The following ETNPPL variants were observed in gnomAD, a reference collection of about 807,000 sequenced individuals.
The protein encoded by ETNPPL is alanine--glyoxylate aminotransferase 2-like 1.
Under a neutral mutation model 55.5 loss-of-function variants are expected in ETNPPL, and 30 were observed. The observed-to-expected ratio is 0.54, with a 90% confidence interval of 0.40 to 0.73. ETNPPL has a LOEUF of 0.73. Ranked by LOEUF, ETNPPL falls within the 30% of genes least tolerant of loss-of-function variation. The pLI, the probability that ETNPPL is intolerant of heterozygous loss-of-function variation, is 0.00. For missense variants in ETNPPL, 528 were observed against 607.9 expected (o/e 0.87, Z 1.38); for synonymous variants, 202 against 207.2 (o/e 0.98, Z 0.21).
At chr4:108,751,111 G>A (rs1728893699) in intron 6 of ETNPPL, 93 bp from the exon 7 acceptor site, 2 of 851,462 alleles carry the variant, frequency 2.3e-6, no homozygotes, top group South Asian at 1.5e-5. Context: ...TTTTAAAAAT[G>A]GCTAGGAATA....
chr4:108,759,580 G>C (rs1221391765), intron 3 of ETNPPL, among the ~76,000 whole-genome samples, 169 bp downstream of exon 3: 1 of 152,098 alleles, frequency 6.6e-6, no homozygotes, highest in Non-Finnish European at 1.5e-5. Flanking sequence ...AGAATAAAGT[G>C]GGAGAACCAG....
Position 108,756,453 on chromosome 4 carries a change from C to G in ETNPPL, c.375G>C (p.Gln125His), listed in dbSNP as rs1729200271. 6.2e-7 allele frequency: 1 copy of G among 1,614,022 alleles called. No individual in the cohort carries two copies. The highest frequency in any genetic ancestry group is 1.3e-5 in the African/African-American group (1 of 74,942). Residue 125 changes from glutamine (Q) to histidine (H), a missense_variant, in exon 4 of 13, where the codon CAG becomes CAC. Coordinates refer to ENST00000296486, the MANE Select transcript of ETNPPL (RefSeq NM_031279.4). ...ANDLALRLARQFRGHQDVITL... is the reference protein window; with the variant it reads ...ANDLALRLARHFRGHQDVITL... Reference sequence around the variant, plus strand: ...TGATCACATCCTGGTGGCCTCTGAACTGCCGAGCCAGGCGTAAGGCTAAGT... The same window carrying G: ...TGATCACATCCTGGTGGCCTCTGAAGTGCCGAGCCAGGCGTAAGGCTAAGT...
intron 4 of ETNPPL, among the ~76,000 whole-genome samples, chr4:108,755,678 G>A (rs963833681): frequency 6.6e-6 from 1 of 152,110 alleles, no homozygotes; most frequent in African/African-American, 2.4e-5. Context: ...AAGTTAGTTG[G>A]GCATGGCAGC....
chr4:108,742,235 A>G lies in ETNPPL; in HGVS notation c.*249T>C, dbSNP rs554574296. ...TTTATTTTGAGTTTGCAAGCTTACA[A>G]TTTAATAGAATAAATCAGGTAGCTT... On this transcript the variant is annotated 3_prime_UTR_variant, in exon 13 of 13. Transcript: ENST00000296486. The G allele has an allele frequency of 9.6e-5, 30 of 314,024 alleles. 2 individuals are homozygous for G. In the South Asian group the frequency reaches 1.7e-3, roughly 18 times the overall value. 19.5% of individuals were successfully genotyped at this position (314,024 alleles called of 1,614,324 possible).
At chr4:108,762,182 T>C in intron 1 of ETNPPL, 1 of 335,264 alleles carries the variant, frequency 3.0e-6, no homozygotes, top group Non-Finnish European at 6.0e-6. Flanking sequence ...CTGTCGGTCT[T>C]ATATACTCAC....
At chr4:108,756,575 G>A (rs990054104) in intron 3 of ETNPPL, 83 bp from the exon 4 acceptor site, 7 of 1,043,500 alleles carry the variant, frequency 6.7e-6, no homozygotes, top group South Asian at 6.5e-5. Context: ...GGTAGCTCAC[G>A]CCTGTAATCC....
Position 108,763,004 on chromosome 4 carries a change from A to G in ETNPPL, c.-106T>C. The G allele has an allele frequency of 1.9e-6, 2 of 1,061,522 alleles. No homozygotes were observed. Among genetic ancestry groups the G allele is most frequent in the Admixed American group, 1.9e-5 (1 of 53,904 alleles). The allele number at this position is 1,061,522 out of a possible 1,614,324, so 65.8% of individuals were successfully genotyped here. A position where few individuals can be genotyped will look rare whatever the true frequency, so the allele number is the denominator to read the frequency against. ...GGCCCCGGCCGGCCTTCCTCCCGTTATCCCTCCTGGCGTTCTCTTGCCCGG... is the reference window on the plus strand; with the variant it reads ...GGCCCCGGCCGGCCTTCCTCCCGTTGTCCCTCCTGGCGTTCTCTTGCCCGG... On this transcript the variant is annotated 5_prime_UTR_variant, in exon 1 of 13. Coordinates refer to ENST00000296486, the MANE Select transcript of ETNPPL (RefSeq NM_031279.4).
At chr4:108,753,123 T>C (rs1297058705) in intron 5 of ETNPPL, 112 bp from the exon 6 acceptor site, 15 of 638,874 alleles carry the variant, frequency 2.3e-5, no homozygotes, top group Non-Finnish European at 3.9e-5. Context: ...GAACTTAAGA[T>C]ACTTTAGGTT....
chr4:108,754,720 CAAAG>C lies in ETNPPL; in HGVS notation c.411-14_411-11del, dbSNP rs759505908. ...GTGACCATGGTAAGCACTGAAGAGA[CAAAG>C]AAAAAAAAGCAGTAATCAAAATAAT... is the stretch of plus-strand genomic sequence containing the variant. On this transcript the variant is annotated splice_polypyrimidine_tract_variant and intron_variant, in intron 4 of 12. Transcript: ENST00000296486. The C allele has an allele frequency of 3.5e-6, 5 of 1,444,472 alleles. No homozygotes were observed. The allele number at this position is 1,444,472 out of a possible 1,614,324, so 89.5% of individuals were successfully genotyped here.
intron 6 of ETNPPL, among the ~76,000 whole-genome samples, chr4:108,752,185 A>T (rs1454663072): frequency 3.3e-5 from 5 of 151,856 alleles, no homozygotes; most frequent in Admixed American, 3.3e-4. Flanking sequence ...TGAGTTAATT[A>T]TAAAAAGAAA....
At chr4:108,742,710 A>C in intron 12 of ETNPPL, 98 bp from the exon 13 acceptor site, 1 of 1,416,260 alleles carries the variant, frequency 7.1e-7, no homozygotes, top group Non-Finnish European at 9.8e-7. Flanking sequence ...AAGGACACAG[A>C]AAAACCAAAC....
In ETNPPL at chr4:108,752,950, G is replaced by T. The variant is rs1411833594; in HGVS notation, c.563C>A (p.Ala188Asp). The T allele has an allele frequency of 6.2e-7, 1 of 1,612,706 alleles. No individual in the cohort carries two copies. Among genetic ancestry groups the T allele is most frequent in the Admixed American group, 1.7e-5 (1 of 59,958 alleles). ...GATTTTCTTCACTTCATCTGCATAA[G>T]CACTGGCTGAGTCTGCATGGTCTTC... ...YREDHADSAS[A>D]YADEVKKIIE... Residue 188 changes from alanine to aspartate, a missense_variant, in exon 6 of 13, where the codon GCT becomes GAT. By Grantham distance (126) the Ala-to-Asp change is moderately radical. Transcript: ENST00000296486.
At position 108,754,684 on chromosome 4, in the gene ETNPPL, A is replaced by C; in HGVS notation, c.437T>G (p.Leu146Ter). The C allele has an allele frequency of 6.3e-7, 1 of 1,598,334 alleles. No individual in the cohort carries two copies. The highest frequency in any genetic ancestry group is 2.2e-5 in the East Asian group (1 of 44,676). ...DHAYHGHLSS[L>*]IEISPYKFQK... ...AAACTTATATGGGCTAATCTCAATTAAGGATGATAGGTGACCATGGTAAGC... is the reference window on the plus strand; with the variant it reads ...AAACTTATATGGGCTAATCTCAATTCAGGATGATAGGTGACCATGGTAAGC... Residue 146 changes from leucine to a stop codon, truncating the protein, a stop_gained, in exon 5 of 13, where the codon TTA (leucine) becomes TGA (stop). Coordinates refer to ENST00000296486, the MANE Select transcript of ETNPPL (RefSeq NM_031279.4). LOFTEE classifies it high-confidence loss of function.
Position 108,747,240 on chromosome 4 carries a change from A to T in ETNPPL, c.1083-389T>A, listed in dbSNP as rs1483796069. Reference sequence around the variant, plus strand: ...ATATATATATTATATATATATATATAATATATATATATATTATATATATAT... The same window carrying T: ...ATATATATATTATATATATATATATTATATATATATATATTATATATATAT... On this transcript the variant is annotated intron_variant, in intron 9 of 12. Transcript: ENST00000296486. Among the ~76,000 whole-genome samples the T allele has an allele frequency of 1.0e-3, 40 of 39,666 alleles. 1 individual carries two copies. The highest frequency in any genetic ancestry group is 1.7e-3 in the East Asian group (1 of 572). The allele number at this position is 39,666 out of a possible 152,430, so 26.0% of individuals were successfully genotyped here.
rs1229248378 is a variant in ETNPPL at position 108,746,756 on chromosome 4, A to G, written c.1172+6T>C. The G allele has an allele frequency of 6.2e-7, 1 of 1,612,914 alleles. No individual in the cohort carries two copies. Among genetic ancestry groups the G allele is most frequent in the Non-Finnish European group, 8.5e-7 (1 of 1,178,954 alleles). On this transcript the variant is annotated splice_donor_region_variant and intron_variant, in intron 10 of 12. Transcript: ENST00000296486. ...TACCAAACAGGTGGGTGTGGGGGTG[A>G]ATTACTTGTAGATGATGTGCTGAGC...
Position 108,756,558 on chromosome 4 carries a change from C to G in ETNPPL, c.336-66G>C, listed in dbSNP as rs573639843. ...TCTTTTTAAAACATTTAGGATGTGC[C>G]AGGCACGGTAGCTCACGCCTGTAAT... On this transcript the variant is annotated intron_variant, in intron 3 of 12. Transcript: ENST00000296486. The G allele has an allele frequency of 5.7e-6, 7 of 1,229,324 alleles. No individual in the cohort carries two copies. The African/African-American group carries it at 8.9e-5, about 16-fold the overall frequency. 76.2% of individuals were successfully genotyped at this position (1,229,324 alleles called of 1,614,324 possible).
rs371523822 is a variant in ETNPPL at position 108,756,900 on chromosome 4, T to C, written c.336-408A>G. Among the ~76,000 whole-genome samples the C allele has an allele frequency of 2.1e-4, 32 of 152,278 alleles. 1 individual carries two copies. The highest frequency in any genetic ancestry group is 7.7e-4 in the African/African-American group (32 of 41,556). On this transcript the variant is annotated intron_variant, in intron 3 of 12. Transcript: ENST00000296486. ...AAGATTACATTTATTCAGAAACTTA[T>C]AAAATAATAAGTTGAAATCCTCTCC... is the stretch of plus-strand genomic sequence containing the variant.
At chr4:108,745,164 A>C (rs1237452192) in intron 11 of ETNPPL, among the ~76,000 whole-genome samples, 1 of 152,276 alleles carries the variant, frequency 6.6e-6, no homozygotes, top group Non-Finnish European at 1.5e-5. Flanking sequence ...AAAATAAATT[A>C]ACCTAGTTGC....
At chr4:108,753,745 T>C (rs1578388036) in intron 5 of ETNPPL, among the ~76,000 whole-genome samples, 1 of 25,342 alleles carries the variant, frequency 3.9e-5, no homozygotes, top group African/African-American at 1.1e-4. Context: ...CCGTCTCAAA[T>C]AAATAAGAAA....
Sources: allele counts gnomAD v4.1 joint callset (sites outside exome capture counted in the v4.1 genomes callset), GRCh38; gene constraint gnomAD v4.1.1; transcripts MANE v1.5; gene names NCBI Gene and HGNC (gene_info 2026-07-23, HGNC 2026-07-21).